IRAG2: variants seen among roughly 807,000 people sequenced by gnomAD.
IRAG2 encodes lymphoid restricted membrane protein.
IRAG2 carries 45 observed loss-of-function variants against 69.9 expected under a neutral mutation model. That is an observed-to-expected ratio of 0.64 (90% CI 0.51 to 0.83). IRAG2 has a LOEUF of 0.83. Among genes scored for constraint, IRAG2 ranks in the 40% least tolerant of loss-of-function variants. IRAG2 has a pLI of 0.00. For missense variants in IRAG2, 520 were observed against 587.0 expected, an observed-to-expected ratio of 0.89 and a Z score of 1.18; for synonymous variants, 193 against 202.4, an observed-to-expected ratio of 0.95 and a Z score of 0.40.
At chr12:25,031,165 C>T (rs969261373) in intron 10 of IRAG2, 2 of 713,020 alleles carry the variant, frequency 2.8e-6, no homozygotes, top group Non-Finnish European at 3.4e-6. Context: ...TCAAAAGAAA[C>T]ATGCATAGCT....
At chr12:25,008,003 C>T (rs1404916817) in intron 2 of IRAG2, among the ~76,000 whole-genome samples, 1 of 152,038 alleles carries the variant, frequency 6.6e-6, no homozygotes, top group Non-Finnish European at 1.5e-5. Context: ...ACAAATGTGA[C>T]TGCAGTTTTT....
intron 10 of IRAG2, among the ~76,000 whole-genome samples, chr12:25,085,114 T>C (rs990543574): frequency 1.3e-5 from 2 of 152,254 alleles, no homozygotes; most frequent in African/African-American, 4.8e-5. Flanking sequence ...CTTTCAGATT[T>C]GCCATCTGCA....
In IRAG2 at chr12:25,089,796, T is replaced by C; in HGVS notation, c.465+6T>C. ...CTAATGAGAAGGAGGTGGAGGTGAG[T>C]TTAAAGCAAATTTTTTTTCCTTTTA... is the stretch of plus-strand genomic sequence containing the variant. On this transcript the variant is annotated splice_donor_region_variant and intron_variant, in intron 13 of 21. Transcript: ENST00000556887. 1 of 1,612,824 alleles carries C rather than the reference T, an allele frequency of 6.2e-7. No homozygotes were observed. Among genetic ancestry groups the C allele is most frequent in the Non-Finnish European group, 8.5e-7 (1 of 1,179,900 alleles).
At chr12:25,104,637 A>G (rs369653252) in intron 20 of IRAG2, among the ~76,000 whole-genome samples, 175 bp downstream of exon 20, 2 of 152,212 alleles carry the variant, frequency 1.3e-5, no homozygotes, top group South Asian at 4.1e-4. Flanking sequence ...ATATTAATAC[A>G]TTCACTCTCA....
At chr12:25,015,302 G>A (rs1944518176) in intron 4 of IRAG2, 2 of 1,230,310 alleles carry the variant, frequency 1.6e-6, no homozygotes, top group African/African-American at 1.6e-5. Context: ...TTTTCTTACG[G>A]TTTGTAGAAA....
rs2140298461 is a variant in IRAG2, at chr12:25,108,248, CTATGATCTTTGAATGAGCT to C, written c.*190_*208del. 3 of 619,792 alleles carry C rather than the reference CTATGATCTTTGAATGAGCT, an allele frequency of 4.8e-6. No homozygotes were observed. In the South Asian group the frequency reaches 7.7e-5, roughly 16 times the overall value. The allele number at this position is 619,792 out of a possible 1,614,324, so 38.4% of individuals were successfully genotyped here. ...AAAATACAATGGGGAAGAAGTCTGC[CTATGATCTTTGAATGAGCT>C]TTTTAAGGAAGAAATATTATATATT... is the stretch of plus-strand genomic sequence containing the variant. On this transcript the variant is annotated 3_prime_UTR_variant, in exon 22 of 22. Transcript: ENST00000556887.
intron 1 of IRAG2, among the ~76,000 whole-genome samples, chr12:25,061,346 G>A (rs1379738594): frequency 6.6e-6 from 1 of 152,150 alleles, no homozygotes; most frequent in Non-Finnish European, 1.5e-5. Flanking sequence ...ACAACATGGT[G>A]AAACCCATCT....
rs1944702955 is a variant in IRAG2, at chr12:25,036,488, C to T, written c.1879-97C>T. The T allele has an allele frequency of 7.6e-6, 3 of 396,584 alleles. No homozygotes were observed. In the East Asian group the frequency reaches 1.1e-4, roughly 14 times the overall value. 24.6% of individuals were successfully genotyped at this position (396,584 alleles called of 1,614,324 possible). On this transcript the variant is annotated intron_variant, in intron 14 of 38. Coordinates refer to the IRAG2 transcript ENST00000636465. ...GCAAAGGAACGTATTCTGGTATTTT[C>T]CTGAGTTACCTATATAGTAGAATTT...
intron 2 of IRAG2, among the ~76,000 whole-genome samples, chr12:25,007,939 G>T (rs1035554967): frequency 6.6e-6 from 1 of 152,098 alleles, no homozygotes; most frequent in Non-Finnish European, 1.5e-5. Flanking sequence ...AAGTTTGAGG[G>T]TTTTTATTTT....
At chr12:25,065,817 A>T (rs1565550734) in intron 4 of IRAG2, among the ~76,000 whole-genome samples, 1 of 152,198 alleles carries the variant, frequency 6.6e-6, no homozygotes, top group Non-Finnish European at 1.5e-5. Context: ...CTACAGGCAC[A>T]TGCCATCACA....
intron 14 of IRAG2, chr12:25,091,238 C>G (rs1446795094): frequency 6.4e-6 from 1 of 156,190 alleles, no homozygotes; most frequent in Non-Finnish European, 1.4e-5. Flanking sequence ...TCTTGAAACT[C>G]TGTACCTGTT....
At chr12:25,070,963 T>C (rs1946300635) in intron 6 of IRAG2, among the ~76,000 whole-genome samples, 1 of 152,226 alleles carries the variant, frequency 6.6e-6, no homozygotes. Flanking sequence ...CCTTTGCTCA[T>C]TTTAAAGATG....
intron 17 of IRAG2, chr12:25,103,544 T>G (rs1251376086): frequency 3.3e-6 from 1 of 303,836 alleles, no homozygotes; most frequent in Admixed American, 4.6e-5. Context: ...TTATTTAACA[T>G]AAAAAGAAAT....
upstream of IRAG2, among the ~76,000 whole-genome samples, chr12:25,049,227 G>A (rs779202625): frequency 3.3e-5 from 5 of 152,146 alleles, no homozygotes; most frequent in Non-Finnish European, 7.3e-5. Context: ...GGCTATTTGG[G>A]TTCTTTTTTG....
At chr12:25,054,348 C>T (rs1376476555) in intron 1 of IRAG2, among the ~76,000 whole-genome samples, 1 of 152,192 alleles carries the variant, frequency 6.6e-6, no homozygotes, top group African/African-American at 2.4e-5. Flanking sequence ...CTGCTTTAGA[C>T]ACTGTGCCCA....
At chr12:25,012,804 G>C (rs193261588) in intron 3 of IRAG2, among the ~76,000 whole-genome samples, 373 of 152,264 alleles carry the variant, frequency 2.4e-3, no homozygotes, top group Middle Eastern at 6.8e-3. Flanking sequence ...CTCTAGCCTA[G>C]GCAACAGAGA....
At chr12:25,043,048 T>C (rs1944763506) in intron 16 of IRAG2, among the ~76,000 whole-genome samples, 1 of 148,258 alleles carries the variant, frequency 6.7e-6, no homozygotes. Flanking sequence ...GATGGTGGAA[T>C]AGGAAGCTCT....
chr12:25,068,088 A>C (rs557693640), intron 5 of IRAG2, among the ~76,000 whole-genome samples: 5 of 152,064 alleles, frequency 3.3e-5, no homozygotes, highest in Admixed American at 6.5e-5. Context: ...TGATCCACCC[A>C]CCTCAGCCTC....
chr12:25,003,739 A>G (rs1944410162), upstream of IRAG2, among the ~76,000 whole-genome samples: 5 of 152,154 alleles, frequency 3.3e-5, no homozygotes, highest in South Asian at 1.0e-3. Context: ...TAAAAGGAGG[A>G]TATTTCCACA....
Sources: gnomAD v4.1 joint callset for allele counts (sites outside exome capture counted in the v4.1 genomes callset) on GRCh38, gnomAD v4.1.1 for gene constraint, MANE v1.5 for transcripts, NCBI Gene and HGNC (gene_info 2026-07-23, HGNC 2026-07-21) for gene names.